The following CELF3 variants were observed in gnomAD, a reference collection of about 807,000 sequenced individuals.
The protein encoded by CELF3 is CAG repeat domain.
CELF3 carries 26 observed loss-of-function variants against 59.6 expected under a neutral mutation model. That is an observed-to-expected ratio of 0.44 (90% CI 0.32 to 0.61). CELF3 has a LOEUF of 0.61. Ranked by LOEUF, CELF3 falls within the 20% of genes least tolerant of loss-of-function variation. CELF3 has a pLI of 0.06. For missense variants in CELF3, 387 were observed against 627.2 expected, an observed-to-expected ratio of 0.62 and a Z score of 4.09; for synonymous variants, 245 against 250.7, an observed-to-expected ratio of 0.98 and a Z score of 0.22.
At chr1:151,714,464 CAG>C (rs750250695) in intron 2 of CELF3, 128 bp downstream of exon 2, 3 of 739,672 alleles carry the variant, frequency 4.1e-6, no homozygotes, top group South Asian at 1.5e-5. Context: ...ATGGATGCTA[CAG>C]AGAGAGAGGG....
In CELF3 at chr1:151,707,488, G is replaced by T; in HGVS notation, c.772+19C>A. On this transcript the variant is annotated intron_variant, in intron 7 of 12. Coordinates refer to ENST00000290583, the MANE Select transcript of CELF3 (RefSeq NM_007185.7). ...CCTACCATGCTTAGCTCCCTTGCCC[G>T]GCCTTGCCCAGGCCATACCTGAGGA... The T allele has an allele frequency of 1.2e-6, 2 of 1,609,720 alleles. No individual in the cohort carries two copies. Among genetic ancestry groups the T allele is most frequent in the Non-Finnish European group, 8.5e-7 (1 of 1,178,740 alleles).
Position 151,709,682 on chromosome 1 carries a change from C to T in CELF3, c.277+61G>A, listed in dbSNP as rs1672854652. The T allele has an allele frequency of 2.6e-6, 4 of 1,540,326 alleles. No homozygotes were observed. The South Asian group carries it at 4.5e-5, about 17-fold the overall frequency. The stretch of plus-strand genomic sequence containing the variant: ...CTCAAGAAAGGCTACCCCTCGACAA[C>T]TCCAGGCCCTGGGCCTGGGGGTGGG... On this transcript the variant is annotated intron_variant, in intron 3 of 12. Transcript: ENST00000290583. This position sits in a 1 kb window ranked among gnomAD's most constrained non-coding sequence, Gnocchi z 4.9.
chr1:151,714,542 C>T (rs1415735015), intron 2 of CELF3, 52 bp downstream of exon 2: 1 of 1,362,238 alleles, frequency 7.3e-7, no homozygotes, highest in Non-Finnish European at 1.0e-6. Flanking sequence ...GAGCCTCCTG[C>T]CACTTCTATG....
intron 1 of CELF3, among the ~76,000 whole-genome samples, chr1:151,715,368 C>G (rs896059579): frequency 1.3e-5 from 2 of 152,256 alleles, no homozygotes; most frequent in South Asian, 2.1e-4. Context: ...CAATCTCCAG[C>G]CTTCATGCCC....
chr1:151,715,534 A>G, intron 1 of CELF3: 2 of 1,064,182 alleles, frequency 1.9e-6, no homozygotes, highest in South Asian at 1.3e-5. Flanking sequence ...ACACACACAC[A>G]CACCCCTACC....
chr1:151,716,306 TG>T lies in CELF3; in HGVS notation c.-287del. ...CAGAGATCTGGCAAATGTCCCAGGA[TG>T]GGGGTGAGTATGGCCAAGACCTGGA... On this transcript the variant is annotated 5_prime_UTR_variant, in exon 1 of 13. Coordinates refer to ENST00000290583, the MANE Select transcript of CELF3 (RefSeq NM_007185.7). 2.5e-6 allele frequency: 1 copy of T among 404,984 alleles called. No homozygotes were observed. Among genetic ancestry groups the T allele is most frequent in the South Asian group, 4.2e-5 (1 of 23,978 alleles). 25.1% of individuals were successfully genotyped at this position (404,984 alleles called of 1,614,324 possible). A position where few individuals can be genotyped will look rare whatever the true frequency, so the allele number is the denominator to read the frequency against.
chr1:151,706,170 A>G, intron 10 of CELF3, 54 bp downstream of exon 10: 1 of 1,610,720 alleles, frequency 6.2e-7, no homozygotes, highest in Non-Finnish European at 8.5e-7. Context: ...GGTGACAGGG[A>G]GTCCCCAAGC....
Position 151,706,014 on chromosome 1 carries a change from A to G in CELF3, c.1127-49T>C, listed in dbSNP as rs750256689. 8 of 1,609,646 alleles carry G rather than the reference A, an allele frequency of 5.0e-6. No individual in the cohort carries two copies. In the Admixed American group the frequency reaches 1.0e-4, roughly 20 times the overall value. ...AAAGAGCTCAGTGACTGGGAGGCACACACCCCAGAAGCAAATGTCCCAGGG... is the reference window on the plus strand; with the variant it reads ...AAAGAGCTCAGTGACTGGGAGGCACGCACCCCAGAAGCAAATGTCCCAGGG... On this transcript the variant is annotated intron_variant, in intron 10 of 12. Coordinates refer to ENST00000290583, the MANE Select transcript of CELF3 (RefSeq NM_007185.7).
chr1:151,715,488 T>G, intron 1 of CELF3: 1 of 632,200 alleles, frequency 1.6e-6, no homozygotes, highest in South Asian at 1.5e-5. Context: ...CAATATTATC[T>G]GAGGCTGCTC....
chr1:151,700,503 A>C lies in CELF3; in HGVS notation c.*2956T>G, dbSNP rs2102761204. 6.6e-6 allele frequency among the ~76,000 whole-genome samples: 1 copy of C among 152,348 alleles called. No individual in the cohort carries two copies. The highest frequency in any genetic ancestry group is 1.9e-4 in the East Asian group (1 of 5,190). On this transcript the variant is annotated 3_prime_UTR_variant, in exon 13 of 13. Transcript: ENST00000290583. ...ATGTGTAGGAATGAAGTGGAAAGTA[A>C]GGCTTCGAAGAGCCTTGAATGCCAG...
At position 151,702,863 on chromosome 1, in the gene CELF3, CT is replaced by C; in HGVS notation, c.*595del. 4.2e-6 allele frequency: 1 copy of C among 235,326 alleles called. No individual in the cohort carries two copies. The highest frequency in any genetic ancestry group is 9.8e-5 in the East Asian group (1 of 10,166). The allele number at this position is 235,326 out of a possible 1,614,324, so 14.6% of individuals were successfully genotyped here. A position where few individuals can be genotyped will look rare whatever the true frequency, so the allele number is the denominator to read the frequency against. ...AAAGGAGGAGGGTCTCTGTGGCTGA[CT>C]GGCAGAGAGGCAGCCCTCAGGGCTC... On this transcript the variant is annotated 3_prime_UTR_variant, in exon 13 of 13. Transcript: ENST00000290583.
chr1:151,708,019 A>C, intron 5 of CELF3, 84 bp from the exon 6 acceptor site: 2 of 1,467,176 alleles, frequency 1.4e-6, no homozygotes, highest in East Asian at 2.4e-5. Flanking sequence ...TCTCCATTCC[A>C]CCCCCATGGC....
At chr1:151,703,585 C>G (rs1419278461) in intron 12 of CELF3, 137 bp from the exon 13 acceptor site, 2 of 303,134 alleles carry the variant, frequency 6.6e-6, no homozygotes, top group Non-Finnish European at 1.3e-5. Context: ...ATCATCAGGC[C>G]TCAGTCCAAA....
intron 2 of CELF3, chr1:151,710,347 G>C (rs1558106535): frequency 3.6e-6 from 1 of 280,302 alleles, no homozygotes; most frequent in Admixed American, 4.6e-5. Flanking sequence ...CCCAGTCTCC[G>C]TGGCAACGGG....
At chr1:151,710,398 T>C (rs1672915652) in intron 2 of CELF3, 1 of 295,668 alleles carries the variant, frequency 3.4e-6, no homozygotes, top group Admixed American at 4.3e-5. Flanking sequence ...GCCTGATTTA[T>C]CCGTCCCCGT....
At chr1:151,706,798 T>C (rs879034120) in intron 8 of CELF3, 64 bp from the exon 9 acceptor site, 1 of 1,258,034 alleles carries the variant, frequency 7.9e-7, no homozygotes, top group South Asian at 1.5e-5. Flanking sequence ...TCAGTGCCTC[T>C]CTGGGCCTCT....
chr1:151,709,831 C>G lies in CELF3; in HGVS notation c.229-40G>C, dbSNP rs930570909. The G allele has an allele frequency of 3.1e-6, 5 of 1,605,528 alleles. 1 individual carries two copies. The South Asian group carries it at 5.5e-5, about 18-fold the overall frequency. On this transcript the variant is annotated intron_variant, in intron 2 of 12. Coordinates refer to ENST00000290583, the MANE Select transcript of CELF3 (RefSeq NM_007185.7). This position sits in a 1 kb window ranked among gnomAD's most constrained non-coding sequence, Gnocchi z 4.9. Reference sequence around the variant, plus strand: ...AGAAGGCAGCTGCTGGGGACCTCCTCTGAACACCCAAGAGCCCTCCCAGGC... The same window carrying G: ...AGAAGGCAGCTGCTGGGGACCTCCTGTGAACACCCAAGAGCCCTCCCAGGC...
At position 151,715,014 on chromosome 1, in the gene CELF3, C is replaced by T. The variant is rs111961211; in HGVS notation, c.146-338G>A. 4.8e-4 allele frequency among the ~76,000 whole-genome samples: 73 copies of T among 152,118 alleles called. 1 individual carries two copies. The highest frequency in any genetic ancestry group is 4.8e-3 in the South Asian group (23 of 4,804). The stretch of plus-strand genomic sequence containing the variant: ...GAGCTGTTCTCCTTTCCCCTCTCTC[C>T]CTCACCTCCACCTCCCTCCATCTTG... On this transcript the variant is annotated intron_variant, in intron 1 of 12. Coordinates refer to ENST00000290583, the MANE Select transcript of CELF3 (RefSeq NM_007185.7).
Position 151,714,656 on chromosome 1 carries a change from A to G in CELF3, c.166T>C (p.Cys56Arg). The part of the protein sequence containing the change: ...LHKGCAFLTY[C>R]ARDSALKAQS... ...GCCTTCAGGGCTGAATCCCGGGCAC[A>G]GTATGTCAGGAAGGCACATCCTGAG... Residue 56 changes from cysteine (C) to arginine (R), a missense_variant, in exon 2 of 13, where the codon TGT (cysteine) becomes CGT (arginine). Around this residue, in one of 3 missense-constraint regions of CELF3, gnomAD observed 208 missense variants for 354.8 expected, o/e 0.59. Coordinates refer to ENST00000290583, the MANE Select transcript of CELF3 (RefSeq NM_007185.7). 6.4e-7 allele frequency: 1 copy of G among 1,559,050 alleles called. No individual in the cohort carries two copies. The highest frequency in any genetic ancestry group is 8.7e-7 in the Non-Finnish European group (1 of 1,151,188).
Sources: allele counts gnomAD v4.1 joint callset (sites outside exome capture counted in the v4.1 genomes callset), GRCh38; gene constraint gnomAD v4.1.1; regional missense constraint gnomAD v4.1.1; non-coding constraint Gnocchi (gnomAD v3.1); transcripts MANE v1.5; gene names NCBI Gene and HGNC (gene_info 2026-07-23, HGNC 2026-07-21).